The following DNAJC1 variants were observed in gnomAD, a reference collection of about 807,000 sequenced individuals.
DNAJC1 encodes dnaJ homolog subfamily C member 1.
DNAJC1 carries 58 observed loss-of-function variants against 76.6 expected under a neutral mutation model. That is an observed-to-expected ratio of 0.76 (90% confidence interval 0.61 to 0.94). The LOEUF (loss-of-function observed/expected upper bound fraction) is 0.94. Ranked by LOEUF, DNAJC1 falls within the 40% of genes least tolerant of loss-of-function variation. The pLI is 0.00. For missense variants in DNAJC1, 689 were observed against 677.3 expected (o/e 1.02, Z -0.19); for synonymous variants, 258 against 267.9 (o/e 0.96, Z 0.36).
At chr10:21,951,465 A>T (rs571052668) in intron 1 of DNAJC1, among the ~76,000 whole-genome samples, 3 of 152,302 alleles carry the variant, frequency 2.0e-5, no homozygotes, top group South Asian at 2.1e-4. Flanking sequence ...CAAATTAAAG[A>T]CAGTTTAAAC....
At chr10:21,766,460 T>A in intron 9 of DNAJC1, 151 bp from the exon 10 acceptor site, 1 of 637,198 alleles carries the variant, frequency 1.6e-6, no homozygotes, top group South Asian at 1.9e-5. Flanking sequence ...TCCATTAATG[T>A]AATTAACAAG....
chr10:22,000,717 G>C (rs1838504601), intron 1 of DNAJC1, among the ~76,000 whole-genome samples: 1 of 152,244 alleles, frequency 6.6e-6, no homozygotes, highest in Admixed American at 6.5e-5. Context: ...CGAAGGTGGA[G>C]TCCTAATGGA....
intron 8 of DNAJC1, among the ~76,000 whole-genome samples, chr10:21,879,398 CG>C (rs1230567887): frequency 6.6e-6 from 1 of 152,040 alleles, no homozygotes; most frequent in Non-Finnish European, 1.5e-5. Flanking sequence ...CTGAGACAGG[CG>C]GATCACTTGA....
At chr10:21,775,068 C>T (rs2131623853) in intron 9 of DNAJC1, among the ~76,000 whole-genome samples, 1 of 152,272 alleles carries the variant, frequency 6.6e-6, no homozygotes, top group South Asian at 2.1e-4. Flanking sequence ...TTAGCTTATC[C>T]ATCACACATA....
intron 8 of DNAJC1, among the ~76,000 whole-genome samples, chr10:21,834,070 C>G (rs1276934714): frequency 6.6e-6 from 1 of 152,064 alleles, no homozygotes. Context: ...CGAGACCATC[C>G]TGGGTAACAC....
intron 7 of DNAJC1, among the ~76,000 whole-genome samples, chr10:21,892,824 C>T (rs1474123973): frequency 6.6e-6 from 1 of 152,038 alleles, no homozygotes; most frequent in African/African-American, 2.4e-5. Context: ...AAAAGATCCA[C>T]CAAGATGGCA....
intron 1 of DNAJC1, among the ~76,000 whole-genome samples, chr10:21,959,316 C>T (rs908275940): frequency 2.0e-5 from 3 of 151,472 alleles, no homozygotes; most frequent in Non-Finnish European, 2.9e-5. Flanking sequence ...TTAATAGAGA[C>T]GGGGTTTCAC....
chr10:21,904,554 G>T lies in DNAJC1; in HGVS notation c.788C>A (p.Ala263Glu). 1.2e-6 allele frequency: 2 copies of T among 1,607,162 alleles called. No individual in the cohort carries two copies. Among genetic ancestry groups the T allele is most frequent in the Non-Finnish European group, 1.7e-6 (2 of 1,176,946 alleles). Residue 263 changes from alanine (A) to glutamate (E), a missense_variant, in exon 7 of 12, where the codon GCA becomes GAA. Coordinates refer to ENST00000376980, the MANE Select transcript of DNAJC1 (RefSeq NM_022365.4). ...KETRLKEKEDALTRTELETLQ... is the reference protein window; with the variant it reads ...KETRLKEKEDELTRTELETLQ... ...TGTTTCAAGTTCAGTTCTAGTCAGT[G>T]CATCTTCCTTTTCCTTCAATCTTGT...
intron 4 of DNAJC1, 74 bp from the exon 5 acceptor site, chr10:21,920,003 T>G: frequency 2.1e-6 from 2 of 931,028 alleles, no homozygotes; most frequent in Non-Finnish European, 3.3e-6. Flanking sequence ...GGCTCTTCTG[T>G]GAAGGGTAAA....
intron 1 of DNAJC1, among the ~76,000 whole-genome samples, chr10:21,991,057 T>A (rs1336673231): frequency 6.6e-6 from 1 of 152,146 alleles, no homozygotes; most frequent in Non-Finnish European, 1.5e-5. Context: ...GGCACACAAA[T>A]AGAAATGCAC....
At chr10:21,782,116 T>G (rs552134182) in intron 9 of DNAJC1, among the ~76,000 whole-genome samples, 12 of 152,112 alleles carry the variant, frequency 7.9e-5, no homozygotes, top group East Asian at 3.9e-4. Context: ...GCTGGTTTTT[T>G]GAAAAGATCA....
At chr10:21,852,165 A>G (rs567335765) in intron 8 of DNAJC1, among the ~76,000 whole-genome samples, 17 of 151,996 alleles carry the variant, frequency 1.1e-4, no homozygotes, top group Non-Finnish European at 2.5e-4. Context: ...AAAGATTGAT[A>G]CTAGCTACAA....
At chr10:21,797,320 C>G (rs1403949363) in intron 9 of DNAJC1, among the ~76,000 whole-genome samples, 2 of 152,036 alleles carry the variant, frequency 1.3e-5, no homozygotes. Context: ...TGTCTTTATG[C>G]TAGTACCATA....
chr10:21,899,765 T>A (rs546638825), intron 7 of DNAJC1, among the ~76,000 whole-genome samples: 5 of 152,298 alleles, frequency 3.3e-5, no homozygotes, highest in African/African-American at 1.2e-4. Context: ...AGAATAGGTA[T>A]CCTGCATTGC....
intron 8 of DNAJC1, among the ~76,000 whole-genome samples, chr10:21,854,365 A>C (rs1009097981): frequency 6.6e-6 from 1 of 151,848 alleles, no homozygotes; most frequent in Non-Finnish European, 1.5e-5. Context: ...AAAAAAAAAA[A>C]AAAAACTGTT....
intron 1 of DNAJC1, among the ~76,000 whole-genome samples, chr10:21,990,678 A>G (rs1838314444): frequency 6.6e-6 from 1 of 152,206 alleles, no homozygotes; most frequent in South Asian, 2.1e-4. Context: ...ATATAAGGAA[A>G]GAGAAACTCG....
intron 8 of DNAJC1, among the ~76,000 whole-genome samples, chr10:21,880,906 C>A (rs1194651992): frequency 6.6e-6 from 1 of 152,216 alleles, no homozygotes; most frequent in Admixed American, 6.5e-5. Flanking sequence ...TAGATGTTAT[C>A]TTTTTCCAGC....
chr10:21,769,789 C>T (rs1477242392), intron 9 of DNAJC1, among the ~76,000 whole-genome samples: 1 of 152,026 alleles, frequency 6.6e-6, no homozygotes, highest in African/African-American at 2.4e-5. Flanking sequence ...CAGGTTCAAG[C>T]AATTCTCCTG....
At chr10:21,813,096 C>T (rs368297652) in intron 8 of DNAJC1, among the ~76,000 whole-genome samples, 1,956 of 116,836 alleles carry the variant, frequency 0.017, 31 homozygotes, top group Middle Eastern at 0.024. Flanking sequence ...TACACACACA[C>T]ATATATATAT....
Sources: allele counts gnomAD v4.1 joint callset (sites outside exome capture counted in the v4.1 genomes callset), GRCh38; gene constraint gnomAD v4.1.1; transcripts MANE v1.5; gene names NCBI Gene and HGNC (gene_info 2026-07-23, HGNC 2026-07-21).